CTNNA2: variants seen among roughly 807,000 people sequenced by gnomAD.
The protein encoded by CTNNA2 is catenin alpha-2.
In CTNNA2, 42 loss-of-function variants were observed where a neutral mutation model predicts 101.0. The observed-to-expected ratio is 0.42, with a 90% CI of 0.32 to 0.54. The LOEUF is 0.54. CTNNA2 is among the 20% of genes least tolerant of loss of function. The pLI is 0.14. For synonymous variants in CTNNA2, 450 were observed against 456.4 expected, an observed-to-expected ratio of 0.99 and a Z score of 0.18; for missense variants, 871 against 1,223.1, an observed-to-expected ratio of 0.71 and a Z score of 4.29.
At chr2:79,283,633 C>G (rs1295841432) in intron 2 of CTNNA2, among the ~76,000 whole-genome samples, 4 of 132,970 alleles carry the variant, frequency 3.0e-5, no homozygotes, top group African/African-American at 1.0e-4. Flanking sequence ...TGTTTTGGTA[C>G]CAGTACCATG....
At chr2:80,518,886 G>A (rs1689303375) in intron 9 of CTNNA2, among the ~76,000 whole-genome samples, 1 of 152,112 alleles carries the variant, frequency 6.6e-6, no homozygotes, top group African/African-American at 2.4e-5. Context: ...GATTGTAATA[G>A]ACTTATCTGT....
At chr2:79,594,520 G>T (rs1289948801) in intron 1 of CTNNA2, among the ~76,000 whole-genome samples, 1 of 152,196 alleles carries the variant, frequency 6.6e-6, no homozygotes, top group African/African-American at 2.4e-5. Flanking sequence ...TTGGCACATA[G>T]TAGGAACTTT....
At chr2:79,416,883 A>G (rs1441409292) in intron 4 of CTNNA2, among the ~76,000 whole-genome samples, 1 of 152,072 alleles carries the variant, frequency 6.6e-6, no homozygotes, top group Non-Finnish European at 1.5e-5. Context: ...TTCTTACAGG[A>G]TCTTCCCCTC....
intron 7 of CTNNA2, among the ~76,000 whole-genome samples, chr2:79,913,905 C>T (rs1203217281): frequency 1.3e-5 from 2 of 151,940 alleles, no homozygotes; most frequent in African/African-American, 2.4e-5. Flanking sequence ...CGGTGGCTCA[C>T]GCCTGTAATC....
chr2:80,641,033 G>A (rs749950399), intron 18 of CTNNA2, among the ~76,000 whole-genome samples: 2 of 152,154 alleles, frequency 1.3e-5, no homozygotes, highest in Non-Finnish European at 2.9e-5. Flanking sequence ...AAAGGCTAAA[G>A]TGGACTTTAC....
At chr2:80,065,130 C>G (rs988007744) in intron 7 of CTNNA2, among the ~76,000 whole-genome samples, 1 of 151,874 alleles carries the variant, frequency 6.6e-6, no homozygotes, top group African/African-American at 2.4e-5. Context: ...GGGAATTGTG[C>G]ATAGTATTGA....
At chr2:80,412,239 C>G (rs777733257) in intron 8 of CTNNA2, among the ~76,000 whole-genome samples, 18 of 152,204 alleles carry the variant, frequency 1.2e-4, no homozygotes, top group Non-Finnish European at 1.9e-4. Context: ...CCTGTGCGTG[C>G]TGGGGCAGAA....
intron 3 of CTNNA2, among the ~76,000 whole-genome samples, chr2:79,354,699 G>A (rs1558642508): frequency 6.6e-6 from 1 of 152,082 alleles, no homozygotes; most frequent in Non-Finnish European, 1.5e-5. Context: ...TGGGCATCAT[G>A]AGATCTGTTG....
chr2:80,068,373 G>C (rs1025021687), intron 7 of CTNNA2, among the ~76,000 whole-genome samples: 2 of 152,166 alleles, frequency 1.3e-5, no homozygotes, highest in Non-Finnish European at 2.9e-5. Flanking sequence ...TATCATCTTG[G>C]CCATTAACTA....
rs1673932414 is a variant in CTNNA2 at position 79,194,451 on chromosome 2, C to A, written c.-523-3508C>A. ...TTGCTGGTTCCTGAGGACCCAGATC[C>A]AAAGGGCCTAACCCAGGCTATTGGT... On this transcript the variant is annotated intron_variant, in intron 1 of 21. Transcript: ENST00000466387. Among the ~76,000 whole-genome samples, 2 of 152,162 alleles carry A rather than the reference C, an allele frequency of 1.3e-5. 1 individual carries two copies. The highest frequency in any genetic ancestry group is 4.1e-4 in the South Asian group (2 of 4,830).
At chr2:80,054,114 T>C (rs892459320) in intron 7 of CTNNA2, among the ~76,000 whole-genome samples, 2 of 152,216 alleles carry the variant, frequency 1.3e-5, no homozygotes, top group Non-Finnish European at 2.9e-5. Context: ...TATTCACTCT[T>C]TACGTTGTAT....
At chr2:79,985,770 T>TGCCAGCA (rs766653748) in intron 7 of CTNNA2, among the ~76,000 whole-genome samples, 14 of 152,188 alleles carry the variant, frequency 9.2e-5, no homozygotes, top group Admixed American at 3.9e-4. Context: ...GCCTAGAGTG[T>TGCCAGCA]GCCAGCAGCC....
chr2:79,618,724 T>C (rs1678802516), intron 1 of CTNNA2, among the ~76,000 whole-genome samples: 1 of 152,202 alleles, frequency 6.6e-6, no homozygotes, highest in Non-Finnish European at 1.5e-5. Flanking sequence ...TATATTCACT[T>C]CGTAATTCTG....
chr2:80,058,487 C>T (rs2121309), intron 7 of CTNNA2, among the ~76,000 whole-genome samples: 95,895 of 151,940 alleles, frequency 0.63, 31,133 homozygotes, highest in East Asian at 0.9. Context: ...TTGCCACAAA[C>T]AGTGACGTGA....
chr2:80,640,010 G>T (rs576759914), intron 18 of CTNNA2, among the ~76,000 whole-genome samples: 5 of 152,006 alleles, frequency 3.3e-5, no homozygotes, highest in Non-Finnish European at 5.9e-5. Context: ...GCTGAGGTAG[G>T]AGAATCGCTT....
chr2:79,342,591 C>A (rs1173206344), intron 3 of CTNNA2, among the ~76,000 whole-genome samples: 1 of 152,172 alleles, frequency 6.6e-6, no homozygotes, highest in East Asian at 1.9e-4. Flanking sequence ...ATTTAATTAT[C>A]TAGGGGTACA....
At chr2:79,747,379 T>C (rs1671717139) in intron 3 of CTNNA2, among the ~76,000 whole-genome samples, 1 of 152,162 alleles carries the variant, frequency 6.6e-6, no homozygotes, top group Non-Finnish European at 1.5e-5. Flanking sequence ...GACTGCCATA[T>C]AATAAACTGT....
intron 2 of CTNNA2, among the ~76,000 whole-genome samples, chr2:79,717,578 A>G: frequency 6.6e-6 from 1 of 152,138 alleles, no homozygotes; most frequent in East Asian, 1.9e-4. Flanking sequence ...CTAAGATTCC[A>G]TTGTCCTGAG....
intron 7 of CTNNA2, among the ~76,000 whole-genome samples, chr2:80,097,764 C>T (rs1466892824): frequency 6.6e-6 from 1 of 152,136 alleles, no homozygotes; most frequent in African/African-American, 2.4e-5. Context: ...TTTCGTCTTC[C>T]ATCGCTGATA....
Sources: gnomAD v4.1 joint callset for allele counts (sites outside exome capture counted in the v4.1 genomes callset) on GRCh38, gnomAD v4.1.1 for gene constraint, MANE v1.5 for transcripts, NCBI Gene and HGNC (gene_info 2026-07-23, HGNC 2026-07-21) for gene names.